The following ZNF516 variants were observed in gnomAD, a reference collection of about 807,000 sequenced individuals.
The protein encoded by ZNF516 is zinc finger protein 516.
ZNF516 carries 19 observed loss-of-function variants against 79.7 expected under a neutral mutation model. That is an observed-to-expected ratio of 0.24 (90% CI 0.17 to 0.35). The LOEUF (loss-of-function observed/expected upper bound fraction) is 0.35. Ranked by LOEUF, ZNF516 falls within the 10% of genes least tolerant of loss-of-function variation. ZNF516 has a pLI of 1.00. For missense variants in ZNF516, 1,678 were observed against 1,679.5 expected (o/e 1.00, Z 0.02); for synonymous variants, 877 against 739.5 (o/e 1.19, Z -3.02).
chr18:76,402,861 C>A (rs1192469182), intron 3 of ZNF516, among the ~76,000 whole-genome samples: 1 of 152,108 alleles, frequency 6.6e-6, no homozygotes, highest in Non-Finnish European at 1.5e-5. Flanking sequence ...TGAACTGATG[C>A]CCTCCGTGTT....
chr18:76,394,675 GGGGAA>G (rs1199287515), intron 3 of ZNF516, among the ~76,000 whole-genome samples: 21 of 270 alleles, frequency 0.078, 5 homozygotes, highest in Non-Finnish European at 0.15. Context: ...GGTCAGGTGG[GGGGAA>G]GGCAGGTGGT....
At chr18:76,492,862 C>T in intron 1 of ZNF516, 1 of 985,826 alleles carries the variant, frequency 1.0e-6, no homozygotes, top group Non-Finnish European at 1.2e-6. Flanking sequence ...GCCGAACTGA[C>T]TCGAATAAAA....
chr18:76,420,018 G>A (rs969237646), intron 3 of ZNF516, among the ~76,000 whole-genome samples: 7 of 152,222 alleles, frequency 4.6e-5, no homozygotes, highest in African/African-American at 1.7e-4. Flanking sequence ...GTGATCATGA[G>A]GGAGCGACTC....
rs529816729 is a variant in ZNF516 at position 76,464,653 on chromosome 18, T to G, written c.-271-1512A>C. Among the ~76,000 whole-genome samples, 824 of 126,952 alleles carry G rather than the reference T, an allele frequency of 6.5e-3. 5 individuals are homozygous for G. Among genetic ancestry groups the G allele is most frequent in the Admixed American group, 0.011 (133 of 11,980 alleles). The allele number at this position is 126,952 out of a possible 152,430, so 83.3% of individuals were successfully genotyped here. ...AGGGCCTCTCTGGCACCCCCAGCCTTGTCATTTCAGACGGGGACAGTGGCC... is the reference window on the plus strand; with the variant it reads ...AGGGCCTCTCTGGCACCCCCAGCCTGGTCATTTCAGACGGGGACAGTGGCC... On this transcript the variant is annotated intron_variant, in intron 1 of 6. Transcript: ENST00000443185.
intron 3 of ZNF516, among the ~76,000 whole-genome samples, chr18:76,410,742 A>AG (rs1297568147): frequency 3.9e-4 from 59 of 152,344 alleles, no homozygotes; most frequent in African/African-American, 1.4e-3. Flanking sequence ...AGAAAAAGAG[A>AG]AATTTTACCA....
intron 1 of ZNF516, chr18:76,492,629 TCATCACCTGAA>T (rs1324760783): frequency 1.3e-6 from 1 of 759,852 alleles, no homozygotes; most frequent in South Asian, 5.9e-5. Flanking sequence ...GTGGGTTCCA[TCATCACCTGAA>T]CCAAAAACGC....
chr18:76,427,071 CTG>C (rs2145427050), intron 3 of ZNF516, among the ~76,000 whole-genome samples: 1 of 152,332 alleles, frequency 6.6e-6, no homozygotes, highest in South Asian at 2.1e-4. Context: ...AGACAAGAGC[CTG>C]AGAGAGAGAA....
chr18:76,359,631 G>A lies in ZNF516; in HGVS notation c.*2867C>T, dbSNP rs190932572. ...CAGCAGGGGCAGAGCGGGAAGCAGC[G>A]AGCGGAAAGCAGGGGAGAGACACCG... is the stretch of plus-strand genomic sequence containing the variant. On this transcript the variant is annotated 3_prime_UTR_variant, in exon 7 of 7. Transcript: ENST00000443185. 5 of 152,250 alleles carry A rather than the reference G, an allele frequency of 3.3e-5. No homozygotes were observed. The highest frequency in any genetic ancestry group is 2.0e-4 in the Admixed American group (3 of 15,288). The allele number at this position is 152,250 out of a possible 1,614,324, so 9.4% of individuals were successfully genotyped here.
Position 76,451,595 on chromosome 18 carries a change from G to T in ZNF516, c.-157-8384C>A, listed in dbSNP as rs537851918. 6.6e-6 allele frequency among the ~76,000 whole-genome samples: 1 copy of T among 152,210 alleles called. No individual in the cohort carries two copies. The highest frequency in any genetic ancestry group is 1.5e-5 in the Non-Finnish European group (1 of 68,032). ...TTTCTGAAGGACGACTCTCAGACAC[G>T]GTTGGTCCCGGCCACAGCTACTACG... On this transcript the variant is annotated intron_variant, in intron 2 of 6. Coordinates refer to ENST00000443185, the MANE Select transcript of ZNF516 (RefSeq NM_014643.4). This position sits in a 1 kb window ranked among gnomAD's most constrained non-coding sequence, Gnocchi z 6.0.
intron 3 of ZNF516, among the ~76,000 whole-genome samples, chr18:76,439,113 T>C (rs540156889): frequency 6.6e-6 from 1 of 152,362 alleles, no homozygotes; most frequent in East Asian, 1.9e-4. Context: ...AAATACCCAG[T>C]TTCTTTTCCA....
In ZNF516 at chr18:76,379,140, C is replaced by T; in HGVS notation, c.2974G>A (p.Gly992Arg). The change falls in exon 4 of 7, where the codon GGG (glycine) becomes AGG (arginine). Residue 992 changes from glycine to arginine, a missense_variant. Transcript: ENST00000443185. ...PQGPPPAKGE[G>R]GAPPLPPREP... is the part of the protein sequence containing the mutation. ...CGGGGAGGTAGAGGAGGAGCGCCCC[C>T]TTCGCCCTTTGCAGGAGGTGGACCC... The T allele has an allele frequency of 6.2e-7, 1 of 1,612,850 alleles. No individual in the cohort carries two copies. Among genetic ancestry groups the T allele is most frequent in the Non-Finnish European group, 8.5e-7 (1 of 1,179,728 alleles).
chr18:76,477,208 C>A (rs1411904685), intron 1 of ZNF516, among the ~76,000 whole-genome samples: 1 of 152,180 alleles, frequency 6.6e-6, no homozygotes, highest in African/African-American at 2.4e-5. Flanking sequence ...GGTAAGTTTT[C>A]TGAACACTGA....
rs749237949 is a variant in ZNF516, at chr18:76,493,847, C to G, written c.-272+1297G>C. On this transcript the variant is annotated intron_variant, in intron 1 of 6. Transcript: ENST00000443185. The surrounding 1 kb of genome is among the most constrained non-coding windows in gnomAD (Gnocchi z 5.2). ...CAGTCGCCTTTTCAAAAAATGTAAA[C>G]CAACAATGCAGCAGCAAATGGCTTT... 3.3e-5 allele frequency: 5 copies of G among 152,170 alleles called. No homozygotes were observed. Among genetic ancestry groups the G allele is most frequent in the Non-Finnish European group, 7.3e-5 (5 of 68,042 alleles). The allele number at this position is 152,170 out of a possible 1,614,324, so 9.4% of individuals were successfully genotyped here. A position where few individuals can be genotyped will look rare whatever the true frequency, so the allele number is the denominator to read the frequency against.
chr18:76,401,143 T>C (rs2075214181), intron 3 of ZNF516, among the ~76,000 whole-genome samples: 1 of 152,128 alleles, frequency 6.6e-6, no homozygotes, highest in Non-Finnish European at 1.5e-5. Flanking sequence ...TATATCCTAC[T>C]GCTCAAGGTT....
intron 4 of ZNF516, among the ~76,000 whole-genome samples, chr18:76,375,373 G>A (rs1328994407): frequency 6.6e-6 from 1 of 152,012 alleles, no homozygotes; most frequent in Non-Finnish European, 1.5e-5. Context: ...CAGAGACCAG[G>A]TAGAGAGTGG....
chr18:76,472,235 T>C (rs1161376498), intron 1 of ZNF516, among the ~76,000 whole-genome samples: 1 of 151,556 alleles, frequency 6.6e-6, no homozygotes. Context: ...TGGGACGGAG[T>C]CCATATTCCT....
At chr18:76,443,599 G>A (rs1468905496) in intron 2 of ZNF516, among the ~76,000 whole-genome samples, 6 of 152,184 alleles carry the variant, frequency 3.9e-5, no homozygotes, top group Non-Finnish European at 8.8e-5. Flanking sequence ...GAAAAGGGCA[G>A]GAATAAGAAC....
At chr18:76,365,350 T>C (rs2074597660) in intron 6 of ZNF516, among the ~76,000 whole-genome samples, 1 of 152,128 alleles carries the variant, frequency 6.6e-6, no homozygotes, top group African/African-American at 2.4e-5. Context: ...AACCACGAGG[T>C]TGGGGTGAAT....
At chr18:76,369,276 AT>A (rs773092348) in intron 6 of ZNF516, among the ~76,000 whole-genome samples, 14 of 152,230 alleles carry the variant, frequency 9.2e-5, no homozygotes, top group Non-Finnish European at 8.8e-5. Flanking sequence ...GTAAGTTGTC[AT>A]AGTATTGGGT....
Sources: allele counts gnomAD v4.1 joint callset (sites outside exome capture counted in the v4.1 genomes callset), GRCh38; gene constraint gnomAD v4.1.1; non-coding constraint Gnocchi (gnomAD v3.1); transcripts MANE v1.5; gene names NCBI Gene and HGNC (gene_info 2026-07-23, HGNC 2026-07-21).